PCDHA11: variants seen among roughly 807,000 people sequenced by gnomAD.
The protein encoded by PCDHA11 is protocadherin alpha 11, also known as protocadherin alpha-11.
Under a neutral mutation model 70.3 loss-of-function variants are expected in PCDHA11, and 61 were observed. That is an observed-to-expected ratio of 0.87 (90% CI 0.71 to 1.07). The LOEUF is 1.07. Ranked by LOEUF, PCDHA11 falls within the 50% of genes least tolerant of loss-of-function variation. The pLI is 0.00. For missense variants in PCDHA11, 1,324 were observed against 1,237.5 expected, an observed-to-expected ratio of 1.07 and a Z score of -1.05; for synonymous variants, 633 against 555.1, an observed-to-expected ratio of 1.14 and a Z score of -1.97.
chr5:141,012,183 A>G lies in PCDHA11; in HGVS notation c.*2246A>G, dbSNP rs1554263839. The stretch of plus-strand genomic sequence containing the variant: ...TAATTTATTAATGATGATAATTATA[A>G]TGTATCTGTACAGCACTTTTTACAT... On this transcript the variant is annotated 3_prime_UTR_variant, in exon 4 of 4. Coordinates refer to ENST00000398640, the MANE Select transcript of PCDHA11 (RefSeq NM_018902.5). The G allele has an allele frequency of 6.5e-6, 1 of 153,782 alleles. No homozygotes were observed. Among genetic ancestry groups the G allele is most frequent in the Admixed American group, 6.5e-5 (1 of 15,280 alleles). 9.5% of individuals were successfully genotyped at this position (153,782 alleles called of 1,614,324 possible). A position where few individuals can be genotyped will look rare whatever the true frequency, so the allele number is the denominator to read the frequency against.
intron 1 of PCDHA11, chr5:140,926,333 C>G (rs1244364456): frequency 6.6e-6 from 1 of 152,288 alleles, no homozygotes; most frequent in Non-Finnish European, 1.5e-5. Context: ...GGTCAGAGCG[C>G]CGGGACCCGA....
intron 1 of PCDHA11, chr5:140,883,472 A>G (rs782442737): frequency 1.2e-5 from 20 of 1,614,018 alleles, no homozygotes; most frequent in Non-Finnish European, 1.4e-5. Context: ...GTCCACCTAC[A>G]AGAACTACTA....
intron 1 of PCDHA11, among the ~76,000 whole-genome samples, chr5:140,964,981 T>C (rs2095867317): frequency 6.6e-6 from 1 of 152,188 alleles, no homozygotes; most frequent in Non-Finnish European, 1.5e-5. Context: ...ATGTGCTAGT[T>C]CAGGCCTTTG....
rs952231570 is a variant in PCDHA11 at position 140,897,305 on chromosome 5, G to C, written c.2391+25811G>C. Among the ~76,000 whole-genome samples the C allele has an allele frequency of 1.9e-3, 284 of 150,706 alleles. 1 individual carries two copies. Among genetic ancestry groups the C allele is most frequent in the African/African-American group, 6.8e-3 (278 of 41,056 alleles). On this transcript the variant is annotated intron_variant, in intron 1 of 3. Coordinates refer to ENST00000398640, the MANE Select transcript of PCDHA11 (RefSeq NM_018902.5). ...CCATTAACTCGTCATTTAGCATTAG[G>C]TATATCTCCTAAAGCTATCCCTCCC...
At chr5:140,944,089 A>G (rs2093608705) in intron 1 of PCDHA11, among the ~76,000 whole-genome samples, 2 of 152,250 alleles carry the variant, frequency 1.3e-5, no homozygotes, top group Non-Finnish European at 1.5e-5. Context: ...AGGCCTGAGT[A>G]AGTTTATATC....
chr5:140,877,366 A>G (rs1358364554), intron 1 of PCDHA11: 1 of 1,613,868 alleles, frequency 6.2e-7, no homozygotes, highest in Non-Finnish European at 8.5e-7. Context: ...TGGCGAGATC[A>G]GCACGACACG....
In PCDHA11 at chr5:140,871,126, C is replaced by T; in HGVS notation, c.2023C>T (p.Pro675Ser). 6.2e-7 allele frequency: 1 copy of T among 1,613,370 alleles called. No individual in the cohort carries two copies. The change falls in exon 1 of 4, where the codon CCA becomes TCA. Residue 675 changes from proline to serine, a missense_variant. Coordinates refer to ENST00000398640, the MANE Select transcript of PCDHA11 (RefSeq NM_018902.5). ...GTCGTTGGTGGAGAGCGGACAGGCG[C>T]CAAAGGCCTCTTCCCGGACTTTGGC... ...LVSLVESGQA[P>S]KASSRTLAGA...
At chr5:140,987,585 A>G (rs575330361) in intron 3 of PCDHA11, among the ~76,000 whole-genome samples, 2 of 152,236 alleles carry the variant, frequency 1.3e-5, no homozygotes, top group East Asian at 3.8e-4. Flanking sequence ...AAATGGGGAG[A>G]ATAGTGGTGT....
chr5:140,876,873 C>G (rs781921402), intron 1 of PCDHA11: 1 of 1,614,128 alleles, frequency 6.2e-7, no homozygotes, highest in Non-Finnish European at 8.5e-7. Context: ...TGAAGGAGAA[C>G]AACCCGCCGG....
chr5:140,881,383 G>T (rs2058695337), intron 1 of PCDHA11: 1 of 984,212 alleles, frequency 1.0e-6, no homozygotes, highest in Non-Finnish European at 1.2e-6. Context: ...AGCCGGCGGC[G>T]GTAAGTTAAA....
chr5:140,928,081 C>G lies in PCDHA11; in HGVS notation c.2392-50868C>G, dbSNP rs782268064. On this transcript the variant is annotated intron_variant, in intron 1 of 3. Coordinates refer to ENST00000398640, the MANE Select transcript of PCDHA11 (RefSeq NM_018902.5). ...GGCTTCCTTTGACAACTACTACAGC[C>G]TGCTGATTGATGGGCCCCTGGACCG... is the stretch of plus-strand genomic sequence containing the variant. 6.2e-6 allele frequency: 10 copies of G among 1,614,090 alleles called. 1 individual carries two copies. In the South Asian group the frequency reaches 6.6e-5, roughly 11 times the overall value.
In PCDHA11 at chr5:140,929,213, A is replaced by T. The variant is rs199608631; in HGVS notation, c.2392-49736A>T. On this transcript the variant is annotated intron_variant, in intron 1 of 3. Coordinates refer to ENST00000398640, the MANE Select transcript of PCDHA11 (RefSeq NM_018902.5). ...AATAACAGTTTGCTGTTGCGTGGGG[A>T]GTACAATGCTGCCGACCTGCGAAAT... 3 of 1,614,052 alleles carry T rather than the reference A, an allele frequency of 1.9e-6. No homozygotes were observed. The East Asian group carries it at 6.7e-5, about 36-fold the overall frequency.
Position 140,926,934 on chromosome 5 carries a change from C to T in PCDHA11, c.2392-52015C>T, listed in dbSNP as rs138351230. ...TGGCAGTTTTATGTTTGTGGGTTTC[C>T]TGCGGCGCTGCAGCGGGACAGCTCG... On this transcript the variant is annotated intron_variant, in intron 1 of 3. Coordinates refer to ENST00000398640, the MANE Select transcript of PCDHA11 (RefSeq NM_018902.5). The T allele has an allele frequency of 5.7e-6, 9 of 1,578,848 alleles. No homozygotes were observed. The African/African-American group carries it at 1.2e-4, about 21-fold the overall frequency.
rs539246204 is a variant in PCDHA11 at position 140,883,140 on chromosome 5, A to G, written c.2391+11646A>G. On this transcript the variant is annotated intron_variant, in intron 1 of 3. Coordinates refer to ENST00000398640, the MANE Select transcript of PCDHA11 (RefSeq NM_018902.5). The stretch of plus-strand genomic sequence containing the variant: ...AGGCCTGTATGGCCTGCAGTGGTAT[A>G]TGCATTTACCATAAATCCGAACAAT... 9 of 1,614,118 alleles carry G rather than the reference A, an allele frequency of 5.6e-6. No individual in the cohort carries two copies. The South Asian group carries it at 9.9e-5, about 18-fold the overall frequency.
intron 1 of PCDHA11, chr5:140,929,006 C>G: frequency 6.2e-7 from 1 of 1,614,050 alleles, no homozygotes; most frequent in Non-Finnish European, 8.5e-7. Context: ...TTCGTGTGTA[C>G]CAAGTTGCAC....
rs782103858 is a variant in PCDHA11, at chr5:140,870,014, A to G, written c.911A>G (p.Asn304Ser). 3 of 1,613,612 alleles carry G rather than the reference A, an allele frequency of 1.9e-6. No homozygotes were observed. The highest frequency in any genetic ancestry group is 2.5e-6 in the Non-Finnish European group (3 of 1,179,874). ...LDQNNGEVRV[N>S]GTLDYEENKF... ...CAAAATAATGGAGAAGTGAGGGTCA[A>G]TGGAACTTTAGATTATGAAGAAAAC... is the stretch of plus-strand genomic sequence containing the variant. Residue 304 changes from asparagine (N) to serine (S), a missense_variant, in exon 1 of 4, where the codon AAT (asparagine) becomes AGT (serine). Coordinates refer to ENST00000398640, the MANE Select transcript of PCDHA11 (RefSeq NM_018902.5).
chr5:140,912,395 T>C (rs782718158), intron 1 of PCDHA11, among the ~76,000 whole-genome samples: 10 of 152,138 alleles, frequency 6.6e-5, no homozygotes, highest in Non-Finnish European at 1.5e-4. Flanking sequence ...CTTAATTTGA[T>C]TCTCAGCTTG....
At chr5:140,962,840 T>C (rs1554226297) in intron 1 of PCDHA11, among the ~76,000 whole-genome samples, 6 of 152,348 alleles carry the variant, frequency 3.9e-5, no homozygotes, top group African/African-American at 2.4e-5. Context: ...TTTTTTATTA[T>C]ATAACTTGTG....
intron 1 of PCDHA11, among the ~76,000 whole-genome samples, chr5:140,901,267 T>G (rs2153472974): frequency 6.6e-6 from 1 of 152,344 alleles, no homozygotes; most frequent in East Asian, 1.9e-4. Context: ...TTGTGGGGTA[T>G]TACTCAAGAA....
Sources: gnomAD v4.1 joint callset for allele counts (sites outside exome capture counted in the v4.1 genomes callset) on GRCh38, gnomAD v4.1.1 for gene constraint, MANE v1.5 for transcripts, NCBI Gene and HGNC (gene_info 2026-07-23, HGNC 2026-07-21) for gene names.